GINS1: variants seen among roughly 807,000 people sequenced by gnomAD.
The protein encoded by GINS1 is GINS complex subunit 1, also known as DNA replication complex GINS protein PSF1.
A neutral mutation model predicts 34.9 loss-of-function variants in GINS1; 26 were observed. That is an observed-to-expected ratio of 0.74 (90% CI 0.55 to 1.03). The LOEUF is 1.03. Among genes scored for constraint, GINS1 ranks in the 50% least tolerant of loss-of-function variants. The probability of loss-of-function intolerance (pLI) is 0.00; values close to 1 mark genes in which losing one functional copy is unlikely to be tolerated. For missense variants in GINS1, 235 were observed against 237.9 expected, an observed-to-expected ratio of 0.99 and a Z score of 0.08; for synonymous variants, 97 against 84.4, an observed-to-expected ratio of 1.15 and a Z score of -0.82.
At chr20:25,416,538 A>G (rs970952093) in intron 2 of GINS1, among the ~76,000 whole-genome samples, 3 of 152,228 alleles carry the variant, frequency 2.0e-5, no homozygotes, top group Non-Finnish European at 4.4e-5. Flanking sequence ...CAAAAGTTAC[A>G]TGTACTTTTT....
chr20:25,436,114 C>T (rs1353817034), intron 5 of GINS1, among the ~76,000 whole-genome samples: 3 of 151,986 alleles, frequency 2.0e-5, no homozygotes, highest in South Asian at 2.1e-4. Flanking sequence ...CCACTGTGCC[C>T]GGCCGAATTA....
chr20:25,420,993 C>T (rs887807173), intron 4 of GINS1: 1 of 981,296 alleles, frequency 1.0e-6, no homozygotes, highest in Non-Finnish European at 1.2e-6. Context: ...TTCCAGGTAT[C>T]CCTGACAGCT....
rs2090483419 is a variant in GINS1, at chr20:25,441,796, TCTTTA to T, written c.522+26_522+30del. On this transcript the variant is annotated intron_variant, in intron 6 of 6. Transcript: ENST00000262460. The stretch of plus-strand genomic sequence containing the variant: ...AGCCAGGTATTTCTTATCTTCAGAT[TCTTTA>T]CTTTAAATCTTATGAGTGTTGTATG... 9 of 1,235,412 alleles carry T rather than the reference TCTTTA, an allele frequency of 7.3e-6. No individual in the cohort carries two copies. In the South Asian group the frequency reaches 1.1e-4, roughly 16 times the overall value. The allele number at this position is 1,235,412 out of a possible 1,614,324, so 76.5% of individuals were successfully genotyped here. A position where few individuals can be genotyped will look rare whatever the true frequency, so the allele number is the denominator to read the frequency against.
intron 6 of GINS1, among the ~76,000 whole-genome samples, chr20:25,443,980 T>TATC (rs2090496781): frequency 1.4e-5 from 2 of 142,802 alleles, no homozygotes; most frequent in Non-Finnish European, 3.0e-5. Context: ...TAGGAAACAT[T>TATC]TATCTATCTA....
chr20:25,416,077 G>T (rs537435243), intron 2 of GINS1, among the ~76,000 whole-genome samples: 1 of 152,348 alleles, frequency 6.6e-6, no homozygotes, highest in African/African-American at 2.4e-5. Flanking sequence ...CAGATGAGGT[G>T]TAAGTGTGGA....
intron 1 of GINS1, chr20:25,413,464 CAT>C (rs2090299703): frequency 8.9e-6 from 2 of 224,672 alleles, no homozygotes; most frequent in East Asian, 9.0e-5. Context: ...CTGCAAAAAA[CAT>C]GTGTTTTCTG....
intron 1 of GINS1, among the ~76,000 whole-genome samples, chr20:25,410,319 C>T (rs932698210): frequency 1.8e-4 from 27 of 149,952 alleles, no homozygotes; most frequent in Non-Finnish European, 1.8e-4. Flanking sequence ...ACAGCCTGGG[C>T]GACAGAGAGA....
At position 25,423,927 on chromosome 20, in the gene GINS1, A is replaced by G. The variant is rs531255986; in HGVS notation, c.331-1284A>G. 3.3e-5 allele frequency among the ~76,000 whole-genome samples: 5 copies of G among 151,998 alleles called. No homozygotes were observed. The East Asian group carries it at 7.8e-4, about 24-fold the overall frequency. On this transcript the variant is annotated intron_variant, in intron 4 of 6. Transcript: ENST00000262460. ...CCGTGCCCGGCCTTTTTTCTATGTA[A>G]TCTTTTAGGAGCTATATTTTACCTT...
chr20:25,429,330 T>C (rs2090414336), intron 5 of GINS1, among the ~76,000 whole-genome samples: 1 of 152,140 alleles, frequency 6.6e-6, no homozygotes, highest in South Asian at 2.1e-4. Flanking sequence ...TTTGAGATTT[T>C]ATATGGATTG....
chr20:25,416,734 C>T (rs958354317), intron 2 of GINS1, among the ~76,000 whole-genome samples: 5 of 152,176 alleles, frequency 3.3e-5, no homozygotes, highest in African/African-American at 1.2e-4. Context: ...AGCGACATGA[C>T]GTAAGACCAT....
At chr20:25,439,658 A>G (rs1340248899) in intron 5 of GINS1, among the ~76,000 whole-genome samples, 1 of 152,080 alleles carries the variant, frequency 6.6e-6, no homozygotes, top group Non-Finnish European at 1.5e-5. Flanking sequence ...TTCATGAGAC[A>G]AGTGGGAAAT....
intron 1 of GINS1, among the ~76,000 whole-genome samples, chr20:25,412,118 A>C (rs1374327463): frequency 6.6e-6 from 1 of 152,022 alleles, no homozygotes; most frequent in Non-Finnish European, 1.5e-5. Flanking sequence ...AACAACAACG[A>C]AAAAAATCAG....
At chr20:25,441,024 A>C (rs1345480629) in intron 5 of GINS1, among the ~76,000 whole-genome samples, 2 of 152,144 alleles carry the variant, frequency 1.3e-5, no homozygotes, top group African/African-American at 4.8e-5. Context: ...GCAGTTCATC[A>C]CTAGTACTCG....
At chr20:25,426,572 C>CTGAA (rs1568804109) in intron 5 of GINS1, among the ~76,000 whole-genome samples, 1 of 151,478 alleles carries the variant, frequency 6.6e-6, no homozygotes. Context: ...GTTGCCCAGG[C>CTGAA]TGGAGTCTAG....
At chr20:25,425,412 T>C in intron 5 of GINS1, 85 bp downstream of exon 5, 5 of 623,130 alleles carry the variant, frequency 8.0e-6, no homozygotes, top group Non-Finnish European at 1.1e-5. Flanking sequence ...TGAATATGTG[T>C]TAGCTTCTAT....
intron 5 of GINS1, among the ~76,000 whole-genome samples, chr20:25,428,299 G>A (rs893129504): frequency 4.0e-5 from 6 of 151,380 alleles, no homozygotes; most frequent in African/African-American, 1.2e-4. Flanking sequence ...TTTGCATTTC[G>A]GTCTTTGATC....
chr20:25,425,807 T>C (rs1476750286), intron 5 of GINS1, among the ~76,000 whole-genome samples: 1 of 152,208 alleles, frequency 6.6e-6, no homozygotes, highest in African/African-American at 2.4e-5. Context: ...TTTTGTTTCA[T>C]TTTGTTTATT....
At chr20:25,425,121 G>C in intron 4 of GINS1, 90 bp from the exon 5 acceptor site, 1 of 675,462 alleles carries the variant, frequency 1.5e-6, no homozygotes, top group East Asian at 2.5e-5. Context: ...AGTGATTTGT[G>C]TTGGGATGTG....
At chr20:25,442,587 A>G (rs2090488220) in intron 6 of GINS1, among the ~76,000 whole-genome samples, 1 of 149,234 alleles carries the variant, frequency 6.7e-6, no homozygotes, top group South Asian at 2.1e-4. Context: ...CACGTTAACT[A>G]TATTATTACT....
Sources: allele counts gnomAD v4.1 joint callset (sites outside exome capture counted in the v4.1 genomes callset), GRCh38; gene constraint gnomAD v4.1.1; transcripts MANE v1.5; gene names NCBI Gene and HGNC (gene_info 2026-07-23, HGNC 2026-07-21).